The following PKP4 variants were observed in gnomAD, a reference collection of about 807,000 sequenced individuals.
PKP4 encodes plakophilin 4, also known as plakophilin-4.
A neutral mutation model predicts 145.1 loss-of-function variants in PKP4; 90 were observed. The observed-to-expected ratio is 0.62, with a 90% CI of 0.52 to 0.74. The LOEUF (loss-of-function observed/expected upper bound fraction) is 0.74. Among genes scored for constraint, PKP4 ranks in the 30% least tolerant of loss-of-function variants. PKP4 has a pLI of 0.00. For synonymous variants in PKP4, 563 were observed against 577.2 expected (o/e 0.98, Z 0.35); for missense variants, 1,340 against 1,482.7 (o/e 0.90, Z 1.58).
At chr2:158,581,658 A>C (rs1187360381) in intron 3 of PKP4, among the ~76,000 whole-genome samples, 1 of 152,152 alleles carries the variant, frequency 6.6e-6, no homozygotes, top group Non-Finnish European at 1.5e-5. Context: ...GTTCCCTCAC[A>C]CTTGTAGGAT....
chr2:158,518,231 T>C (rs896956742), intron 1 of PKP4, among the ~76,000 whole-genome samples: 2 of 152,248 alleles, frequency 1.3e-5, no homozygotes, highest in Non-Finnish European at 2.9e-5. Flanking sequence ...TGGCTGTGAT[T>C]GCTGGGCTGT....
chr2:158,659,734 G>C (rs2105973113), intron 12 of PKP4: 1 of 152,434 alleles, frequency 6.6e-6, no homozygotes, highest in South Asian at 2.1e-4. Flanking sequence ...TTCTGGAGCA[G>C]AAATGAGCTT....
chr2:158,520,765 C>T (rs11675009), intron 1 of PKP4, among the ~76,000 whole-genome samples: 29,730 of 152,176 alleles, frequency 0.2, 3,742 homozygotes, highest in Middle Eastern at 0.34. Flanking sequence ...ATTTCCTTGC[C>T]ACCTATGCAT....
In PKP4 at chr2:158,583,155, C is replaced by A. The variant is rs145315893; in HGVS notation, c.245+5772C>A. Among the ~76,000 whole-genome samples, 1,262 of 152,226 alleles carry A rather than the reference C, an allele frequency of 8.3e-3. 21 individuals carry two copies. The highest frequency in any genetic ancestry group is 0.029 in the African/African-American group (1,203 of 41,520). ...CGGGCTAAGCAACATCCTTCAAATCCAACTTTTGATGAGCATGGGACTTGT... is the reference window on the plus strand; with the variant it reads ...CGGGCTAAGCAACATCCTTCAAATCAAACTTTTGATGAGCATGGGACTTGT... On this transcript the variant is annotated intron_variant, in intron 3 of 21. Coordinates refer to ENST00000389759, the MANE Select transcript of PKP4 (RefSeq NM_003628.6).
At chr2:158,653,274 A>G (rs1345356178) in intron 11 of PKP4, among the ~76,000 whole-genome samples, 2 of 152,174 alleles carry the variant, frequency 1.3e-5, no homozygotes, top group South Asian at 2.1e-4. Flanking sequence ...TAAGAAGTAC[A>G]TTTTTCAAAT....
At chr2:158,560,053 G>A (rs2046389845) in intron 2 of PKP4, among the ~76,000 whole-genome samples, 1 of 152,080 alleles carries the variant, frequency 6.6e-6, no homozygotes, top group Non-Finnish European at 1.5e-5. Flanking sequence ...TTTTAGTAGA[G>A]AAAGGGTTTC....
chr2:158,467,574 G>A (rs967936235), intron 1 of PKP4, among the ~76,000 whole-genome samples: 11 of 147,946 alleles, frequency 7.4e-5, no homozygotes, highest in African/African-American at 2.0e-4. Flanking sequence ...ATGTGGGCAC[G>A]GTGGCTCGCT....
chr2:158,554,787 C>A (rs1485756450), intron 2 of PKP4, among the ~76,000 whole-genome samples: 1 of 152,120 alleles, frequency 6.6e-6, no homozygotes, highest in Non-Finnish European at 1.5e-5. Context: ...ATACCTCAAG[C>A]AACCCTACTC....
intron 3 of PKP4, among the ~76,000 whole-genome samples, chr2:158,593,935 CT>C (rs1289087662): frequency 6.6e-6 from 1 of 152,158 alleles, no homozygotes; most frequent in Non-Finnish European, 1.5e-5. Flanking sequence ...CAAGAGTGGA[CT>C]TTTTTTCCAC....
At chr2:158,628,913 C>A (rs1487509057) in intron 7 of PKP4, among the ~76,000 whole-genome samples, 1 of 152,136 alleles carries the variant, frequency 6.6e-6, no homozygotes, top group Admixed American at 6.5e-5. Context: ...CAGTGTCTTG[C>A]ACTGAGTCGT....
intron 2 of PKP4, among the ~76,000 whole-genome samples, chr2:158,556,116 T>C (rs889050176): frequency 3.9e-5 from 6 of 152,232 alleles, no homozygotes; most frequent in East Asian, 3.8e-4. Flanking sequence ...CACTGTGACA[T>C]TGGCAAGTTT....
At chr2:158,466,280 G>T (rs1277471381) in intron 1 of PKP4, among the ~76,000 whole-genome samples, 1 of 151,982 alleles carries the variant, frequency 6.6e-6, no homozygotes, top group Non-Finnish European at 1.5e-5. Flanking sequence ...TTTGTAAACT[G>T]GTCTGAGACC....
intron 1 of PKP4, among the ~76,000 whole-genome samples, chr2:158,512,763 G>A (rs1433526582): frequency 6.6e-6 from 1 of 152,188 alleles, no homozygotes. Flanking sequence ...TCACATCACA[G>A]AACTTTGAAG....
intron 3 of PKP4, among the ~76,000 whole-genome samples, chr2:158,597,612 A>G (rs1053213087): frequency 1.3e-5 from 2 of 152,226 alleles, no homozygotes; most frequent in Non-Finnish European, 2.9e-5. Flanking sequence ...TATAGATGGT[A>G]CATAGTCTAG....
chr2:158,464,624 G>A (rs1376038034), intron 1 of PKP4, among the ~76,000 whole-genome samples: 2 of 152,210 alleles, frequency 1.3e-5, no homozygotes, highest in Non-Finnish European at 2.9e-5. Context: ...TAAATGAATT[G>A]TCAATGTCAC....
rs66933766 is a variant in PKP4, at chr2:158,608,808, C to CTTTTT, written c.280+5723_280+5727dup. ...AGTAAAATCTTATTTTCTTTTCTTT[C>CTTTTT]TTTTTTTTTTTTTTTTTTTTTTTGA... On this transcript the variant is annotated intron_variant, in intron 4 of 21. Transcript: ENST00000389759. 2.3e-3 allele frequency among the ~76,000 whole-genome samples: 196 copies of CTTTTT among 86,172 alleles called. 3 individuals are homozygous for CTTTTT. The highest frequency in any genetic ancestry group is 6.7e-3 in the East Asian group (20 of 2,974). 56.5% of individuals were successfully genotyped at this position (86,172 alleles called of 152,430 possible). A position where few individuals can be genotyped will look rare whatever the true frequency, so the allele number is the denominator to read the frequency against.
At chr2:158,532,122 G>C (rs1292552037) in intron 1 of PKP4, among the ~76,000 whole-genome samples, 2 of 152,186 alleles carry the variant, frequency 1.3e-5, no homozygotes, top group Non-Finnish European at 2.9e-5. Context: ...ACAAGTCCCA[G>C]ATCAAGCTAT....
At chr2:158,495,594 G>C (rs1213542207) in intron 1 of PKP4, among the ~76,000 whole-genome samples, 1 of 151,868 alleles carries the variant, frequency 6.6e-6, no homozygotes, top group Non-Finnish European at 1.5e-5. Context: ...CCAGCACTTT[G>C]GGAGGCCAAG....
In PKP4 at chr2:158,661,354, A is replaced by T. The variant is rs769194482; in HGVS notation, c.2115A>T (p.Glu705Asp). Reference sequence around the variant, plus strand: ...TTAGGAACCTCAGCTCCGCGGGGGAAGAAGCTCGGAAGCAAATGCGGTCCT... The same window carrying T: ...TTAGGAACCTCAGCTCCGCGGGGGATGAAGCTCGGAAGCAAATGCGGTCCT... ...GCLRNLSSAG[E>D]EARKQMRSCE... Residue 705 changes from glutamate to aspartate, a missense_variant, in exon 13 of 22, where the codon GAA becomes GAT. Coordinates refer to ENST00000389759, the MANE Select transcript of PKP4 (RefSeq NM_003628.6). 1.7e-5 allele frequency: 27 copies of T among 1,613,568 alleles called. No homozygotes were observed. Among genetic ancestry groups the T allele is most frequent in the Non-Finnish European group, 2.2e-5 (26 of 1,179,620 alleles).
Sources: allele counts gnomAD v4.1 joint callset (sites outside exome capture counted in the v4.1 genomes callset), GRCh38; gene constraint gnomAD v4.1.1; transcripts MANE v1.5; gene names NCBI Gene and HGNC (gene_info 2026-07-23, HGNC 2026-07-21).